The following F5 variants were observed in gnomAD, a reference collection of about 807,000 sequenced individuals.
F5 encodes coagulation factor V.
Under a neutral mutation model 216.4 loss-of-function variants are expected in F5, and 138 were observed. That is an observed-to-expected ratio of 0.64 (90% confidence interval 0.56 to 0.73). F5 has a LOEUF of 0.73. Among genes scored for constraint, F5 ranks in the 30% least tolerant of loss-of-function variants. The pLI, the probability that F5 is intolerant of heterozygous loss-of-function variation, is 0.00. For missense variants in F5, 2,403 were observed against 2,674.0 expected, an observed-to-expected ratio of 0.90 and a Z score of 2.24; for synonymous variants, 916 against 930.7, an observed-to-expected ratio of 0.98 and a Z score of 0.29.
At chr1:169,549,541 C>G (rs1252194455) in intron 10 of F5, among the ~76,000 whole-genome samples, 2 of 151,892 alleles carry the variant, frequency 1.3e-5, no homozygotes, top group Non-Finnish European at 2.9e-5. Context: ...ACATCCAATA[C>G]CAACAGACCT....
chr1:169,538,139 T>C (rs1476786007), intron 13 of F5, among the ~76,000 whole-genome samples: 1 of 152,118 alleles, frequency 6.6e-6, no homozygotes, highest in Admixed American at 6.6e-5. Flanking sequence ...TGAAATACTA[T>C]TTAGCATTTA....
intron 3 of F5, among the ~76,000 whole-genome samples, chr1:169,561,743 C>A (rs3766119): frequency 0.24 from 36,666 of 151,882 alleles, 5,334 homozygotes; most frequent in South Asian, 0.36. Flanking sequence ...AAATTCTTTA[C>A]GAGAAGAAGG....
At chr1:169,572,990 G>C (rs1660761190) in intron 2 of F5, among the ~76,000 whole-genome samples, 1 of 151,106 alleles carries the variant, frequency 6.6e-6, no homozygotes, top group Non-Finnish European at 1.5e-5. Flanking sequence ...CTGTCTCCTA[G>C]GCTGGAGTGC....
chr1:169,527,784 G>T, intron 17 of F5, 131 bp downstream of exon 17: 1 of 1,190,244 alleles, frequency 8.4e-7, no homozygotes, highest in Non-Finnish European at 1.2e-6. Context: ...GGTTTGCCTA[G>T]GCTCTATGCC....
chr1:169,572,418 A>G, intron 2 of F5, 75 bp from the exon 3 acceptor site: 1 of 1,544,616 alleles, frequency 6.5e-7, no homozygotes, highest in Non-Finnish European at 8.9e-7. Context: ...AGAAAAACAA[A>G]CAGATGATAC....
chr1:169,530,177 T>C (rs963675260), intron 15 of F5, among the ~76,000 whole-genome samples: 2 of 152,200 alleles, frequency 1.3e-5, no homozygotes, highest in Non-Finnish European at 2.9e-5. Context: ...GAACAAATAT[T>C]TACCAAGTGC....
chr1:169,535,496 T>C (rs1470283689), intron 14 of F5, among the ~76,000 whole-genome samples: 1 of 152,196 alleles, frequency 6.6e-6, no homozygotes, highest in Non-Finnish European at 1.5e-5. Flanking sequence ...ACCTGAGTAG[T>C]GTACCCTGTA....
chr1:169,530,824 C>A lies in F5; in HGVS notation c.5170G>T (p.Ala1724Ser). 1 of 1,613,906 alleles carries A rather than the reference C, an allele frequency of 6.2e-7. No individual in the cohort carries two copies. The highest frequency in any genetic ancestry group is 8.5e-7 in the Non-Finnish European group (1 of 1,179,806). Reference protein sequence around the residue: ...ERSGPESPGSACRAWAYYSAV... With the variant: ...ERSGPESPGSSCRAWAYYSAV... ...GAGTAGTAGGCCCAAGCCCGACAGG[C>A]AGAGCCAGGACTTTCTGGCCCTGAT... The change falls in exon 15 of 25, where the codon GCC (alanine) becomes TCC (serine). Residue 1724 changes from alanine (A) to serine (S), a missense_variant. Transcript: ENST00000367797.
At chr1:169,558,227 A>G (rs1660376076) in intron 5 of F5, among the ~76,000 whole-genome samples, 1 of 131,214 alleles carries the variant, frequency 7.6e-6, no homozygotes, top group African/African-American at 3.5e-5. Context: ...AACTCAGATT[A>G]TCTAAGGTCG....
At chr1:169,534,160 TC>T (rs1659651248) in intron 14 of F5, among the ~76,000 whole-genome samples, 1 of 152,006 alleles carries the variant, frequency 6.6e-6, no homozygotes, top group Non-Finnish European at 1.5e-5. Context: ...CACGACCCAC[TC>T]ACGTGGACCC....
At chr1:169,556,507 C>A in intron 6 of F5, 139 bp downstream of exon 6, 2 of 635,000 alleles carry the variant, frequency 3.1e-6, no homozygotes, top group East Asian at 3.7e-5. Context: ...AGCAAAATAT[C>A]TAAGTTTGGT....
chr1:169,541,207 A>T lies in F5; in HGVS notation c.3883T>A (p.Ser1295Thr). 1 of 1,589,788 alleles carries T rather than the reference A, an allele frequency of 6.3e-7. No homozygotes were observed. The change falls in exon 13 of 25, where the codon TCT becomes ACT. Residue 1295 changes from serine to threonine, a missense_variant. Ser to Thr is a moderately conservative substitution (Grantham distance 58). This residue lies in a region of F5 where 26 missense variants were observed against 60.6 expected (regional missense o/e 0.43). Coordinates refer to ENST00000367797, the MANE Select transcript of F5 (RefSeq NM_000130.5). ...LSLDFSQTNLSPELSHMTLSP... is the reference protein window; with the variant it reads ...LSLDFSQTNLTPELSHMTLSP... Reference sequence around the variant, plus strand: ...AGAGTCATATGGCTGAGTTCTGGAGAGAGGTTTGTCTGGCTGAAGTCTAGA... The same window carrying T: ...AGAGTCATATGGCTGAGTTCTGGAGTGAGGTTTGTCTGGCTGAAGTCTAGA...
chr1:169,524,809 A>G (rs763172078), intron 19 of F5, 28 bp downstream of exon 19: 1 of 1,592,190 alleles, frequency 6.3e-7, no homozygotes, highest in South Asian at 1.1e-5. Context: ...AGGGGGTACC[A>G]TTCACAGACC....
At chr1:169,518,289 A>T in intron 23 of F5, 123 bp downstream of exon 23, 2 of 1,209,152 alleles carry the variant, frequency 1.7e-6, no homozygotes, top group Non-Finnish European at 2.4e-6. Context: ...TGGACCTAGG[A>T]TTTTAATCTG....
Position 169,540,568 on chromosome 1 carries a change from T to C in F5, c.4522A>G (p.Asn1508Asp). Residue 1508 changes from asparagine to aspartate, a missense_variant, in exon 13 of 25, where the codon AAT becomes GAT. Physicochemically the swap from Asn to Asp is conservative, Grantham distance 23 (BLOSUM62 1). Around this residue, in one of 4 missense-constraint regions of F5, gnomAD observed 293 missense variants for 270.8 expected, o/e 1.08. Transcript: ENST00000367797. ...CTGAGGCCCACTATAACCAGTGGAT[T>C]AAATTCCTTTGATAGAAAAGTATCA... ...LNDTFLSKEF[N>D]PLVIVGLSKD... 6.2e-7 allele frequency: 1 copy of C among 1,614,030 alleles called. No individual in the cohort carries two copies. The highest frequency in any genetic ancestry group is 1.1e-5 in the South Asian group (1 of 91,082).
intron 2 of F5, among the ~76,000 whole-genome samples, chr1:169,577,012 T>C (rs1377612664): frequency 1.3e-5 from 2 of 152,176 alleles, no homozygotes; most frequent in East Asian, 3.9e-4. Context: ...CCAAATACTT[T>C]CACGCATGTA....
chr1:169,582,839 T>C (rs997659601), intron 1 of F5, among the ~76,000 whole-genome samples: 5 of 152,238 alleles, frequency 3.3e-5, no homozygotes, highest in African/African-American at 1.2e-4. Flanking sequence ...TTAGATTTTA[T>C]ATGATTAAAA....
chr1:169,546,742 A>G (rs754857250), intron 10 of F5, 150 bp from the exon 11 acceptor site: 50 of 738,368 alleles, frequency 6.8e-5, no homozygotes, highest in Non-Finnish European at 1.0e-4. Flanking sequence ...TATTCCATAA[A>G]TGGTTCTGGG....
intron 4 of F5, 72 bp downstream of exon 4, chr1:169,560,482 C>T: frequency 6.8e-7 from 1 of 1,472,020 alleles, no homozygotes; most frequent in Non-Finnish European, 9.5e-7. Flanking sequence ...TGCTCCCAAG[C>T]TTTGTCCCAT....
Sources: gnomAD v4.1 joint callset for allele counts (sites outside exome capture counted in the v4.1 genomes callset) on GRCh38, gnomAD v4.1.1 for gene constraint, gnomAD v4.1.1 regional missense constraint, MANE v1.5 for transcripts, NCBI Gene and HGNC (gene_info 2026-07-23, HGNC 2026-07-21) for gene names.